Variants in ZNF652 observed in about 807,000 individuals in gnomAD.
ZNF652 encodes the protein zinc finger protein 652.
ZNF652 carries 16 observed loss-of-function variants against 45.2 expected under a neutral mutation model. The observed-to-expected ratio is 0.35, with a 90% CI of 0.24 to 0.54. The LOEUF (loss-of-function observed/expected upper bound fraction) is 0.54. Ranked by LOEUF, ZNF652 falls within the 20% of genes least tolerant of loss-of-function variation. The pLI is 0.91. For synonymous variants in ZNF652, 250 were observed against 260.6 expected (o/e 0.96, Z 0.39); for missense variants, 614 against 765.6 (o/e 0.80, Z 2.34).
At chr17:49,316,059 T>G (rs2069799812) in intron 2 of ZNF652, among the ~76,000 whole-genome samples, 1 of 152,214 alleles carries the variant, frequency 6.6e-6, no homozygotes, top group Admixed American at 6.5e-5. Context: ...CTTACGAATA[T>G]TCATTAATAT....
downstream of ZNF652, chr17:49,288,283 T>C (rs891720241): frequency 3.3e-5 from 5 of 152,172 alleles, no homozygotes; most frequent in Non-Finnish European, 7.3e-5. Context: ...CCTGTATCTA[T>C]GAAGAAACTG....
At position 49,295,961 on chromosome 17, in the gene ZNF652, A is replaced by C. The variant is rs1410508893; in HGVS notation, c.*2452T>G. The stretch of plus-strand genomic sequence containing the variant: ...TCAAAAAAAAAAAAAAAAAAAAAAA[A>C]AAAACAGAACAAAATATAACCAATT... On this transcript the variant is annotated 3_prime_UTR_variant, in exon 6 of 6. Transcript: ENST00000430262. 1 of 150,480 alleles carries C rather than the reference A, an allele frequency of 6.6e-6. No individual in the cohort carries two copies. Among genetic ancestry groups the C allele is most frequent in the Admixed American group, 6.6e-5 (1 of 15,090 alleles). 9.3% of individuals were successfully genotyped at this position (150,480 alleles called of 1,614,324 possible).
intron 1 of ZNF652, among the ~76,000 whole-genome samples, chr17:49,332,027 T>C (rs750145279): frequency 3.9e-5 from 6 of 152,020 alleles, no homozygotes; most frequent in Non-Finnish European, 5.9e-5. Flanking sequence ...CTCACACCTG[T>C]AATCCCAGCA....
chr17:49,337,839 T>C (rs1325252480), intron 1 of ZNF652, among the ~76,000 whole-genome samples: 4 of 152,206 alleles, frequency 2.6e-5, no homozygotes, highest in African/African-American at 9.6e-5. Context: ...CTTTGATTAT[T>C]ATCTACATGC....
intron 5 of ZNF652, among the ~76,000 whole-genome samples, chr17:49,306,529 C>A (rs1344964250): frequency 6.6e-6 from 1 of 152,120 alleles, no homozygotes; most frequent in East Asian, 1.9e-4. Context: ...TCAAGTGATC[C>A]TCTCACCTCA....
chr17:49,349,878 A>G (rs957486549), intron 1 of ZNF652, among the ~76,000 whole-genome samples: 1 of 152,200 alleles, frequency 6.6e-6, no homozygotes, highest in Non-Finnish European at 1.5e-5. Context: ...TAAAGATACT[A>G]ATGTCAAAGA....
chr17:49,349,471 T>A lies in ZNF652; in HGVS notation c.-259+12438A>T, dbSNP rs553433670. On this transcript the variant is annotated intron_variant, in intron 1 of 5. Transcript: ENST00000430262. Reference sequence around the variant, plus strand: ...ATGCCATGGTTTGCCATAGCAGGGATTCTTTGCATTGGTAAGTGTAGAGTG... The same window carrying A: ...ATGCCATGGTTTGCCATAGCAGGGAATCTTTGCATTGGTAAGTGTAGAGTG... Among the ~76,000 whole-genome samples the A allele has an allele frequency of 3.5e-3, 534 of 152,282 alleles. 5 individuals are homozygous for A. The highest frequency in any genetic ancestry group is 6.3e-3 in the Non-Finnish European group (430 of 68,026).
At chr17:49,343,218 G>A (rs1295530918) in intron 1 of ZNF652, among the ~76,000 whole-genome samples, 1 of 152,160 alleles carries the variant, frequency 6.6e-6, no homozygotes. Flanking sequence ...CCAAAATACT[G>A]TTCTCTATAA....
Position 49,316,908 on chromosome 17 carries a change from A to C in ZNF652, c.818T>G (p.Ile273Ser). Reference protein sequence around the residue: ...HMNVTHRRMQICDKCGKKFVL... With the variant: ...HMNVTHRRMQSCDKCGKKFVL... ...AAACTTCTTGCCACATTTATCACAA[A>C]TCTGCATGCGCCTATGAGTAACGTT... is the stretch of plus-strand genomic sequence containing the variant. Residue 273 changes from isoleucine to serine, a missense_variant, in exon 2 of 6, where the codon ATT becomes AGT. Coordinates refer to ENST00000430262, the MANE Select transcript of ZNF652 (RefSeq NM_001145365.3). The C allele has an allele frequency of 6.2e-7, 1 of 1,614,040 alleles. No individual in the cohort carries two copies. The highest frequency in any genetic ancestry group is 8.5e-7 in the Non-Finnish European group (1 of 1,179,996).
intron 1 of ZNF652, among the ~76,000 whole-genome samples, chr17:49,356,076 T>TA (rs1477948038): frequency 5.9e-5 from 9 of 151,972 alleles, no homozygotes; most frequent in Non-Finnish European, 1.2e-4. Flanking sequence ...GAGAATGTGC[T>TA]AAAAAAGGGT....
At chr17:49,357,811 G>A (rs1459448252) in intron 1 of ZNF652, among the ~76,000 whole-genome samples, 1 of 152,126 alleles carries the variant, frequency 6.6e-6, no homozygotes, top group Non-Finnish European at 1.5e-5. Context: ...GTAGAATTTG[G>A]AGCTAGATTT....
Position 49,337,859 on chromosome 17 carries a change from A to T in ZNF652, c.-258-19876T>A, listed in dbSNP as rs553109983. On this transcript the variant is annotated intron_variant, in intron 1 of 5. Coordinates refer to ENST00000430262, the MANE Select transcript of ZNF652 (RefSeq NM_001145365.3). ...ATTATTATCTACATGCAAAGTACCAAGAGGCTAATATAAAGAGAAAATATT... is the reference window on the plus strand; with the variant it reads ...ATTATTATCTACATGCAAAGTACCATGAGGCTAATATAAAGAGAAAATATT... Among the ~76,000 whole-genome samples, 6 of 152,330 alleles carry T rather than the reference A, an allele frequency of 3.9e-5. No individual in the cohort carries two copies. The South Asian group carries it at 1.2e-3, about 32-fold the overall frequency.
rs1261293886 is a variant in ZNF652 at position 49,300,833 on chromosome 17, TCA to T, written c.1310-1911_1310-1910del. ...TTACATCTATTAACCTTGGTGATCTTCACAGTGACTGTATGAGGCAGGTATAT... is the reference window on the plus strand; with the variant it reads ...TTACATCTATTAACCTTGGTGATCTTCAGTGACTGTATGAGGCAGGTATAT... On this transcript the variant is annotated intron_variant, in intron 5 of 5. Transcript: ENST00000430262. 2.6e-5 allele frequency among the ~76,000 whole-genome samples: 4 copies of T among 152,178 alleles called. No homozygotes were observed. In the East Asian group the frequency reaches 7.7e-4, roughly 29 times the overall value.
At chr17:49,299,508 G>A (rs2069523727) in intron 5 of ZNF652, among the ~76,000 whole-genome samples, 1 of 152,092 alleles carries the variant, frequency 6.6e-6, no homozygotes, top group African/African-American at 2.4e-5. Flanking sequence ...AGCCTCCTGA[G>A]CAGCTGAGAC....
intron 1 of ZNF652, among the ~76,000 whole-genome samples, chr17:49,339,023 A>G (rs2143873209): frequency 6.6e-6 from 1 of 152,184 alleles, no homozygotes; most frequent in East Asian, 1.9e-4. Context: ...ACCAGACTTC[A>G]TTAGCATAAT....
intron 1 of ZNF652, among the ~76,000 whole-genome samples, chr17:49,345,208 T>C (rs540314434): frequency 2.2e-4 from 33 of 150,638 alleles, no homozygotes; most frequent in South Asian, 6.3e-4. Flanking sequence ...TTTTTCTTTT[T>C]TTTTTTTTTT....
chr17:49,350,948 T>C (rs897353872), intron 1 of ZNF652, among the ~76,000 whole-genome samples: 12 of 138,050 alleles, frequency 8.7e-5, no homozygotes, highest in Admixed American at 1.6e-4. Context: ...CCAGTCTGGG[T>C]GACAGAGCAA....
intron 1 of ZNF652, among the ~76,000 whole-genome samples, chr17:49,358,209 G>T (rs910762574): frequency 1.3e-5 from 2 of 152,150 alleles, no homozygotes; most frequent in Non-Finnish European, 2.9e-5. Context: ...TGGAGCGGGG[G>T]TTTTAAATCG....
At position 49,317,603 on chromosome 17, in the gene ZNF652, G is replaced by A. The variant is rs751757876; in HGVS notation, c.123C>T (p.Asn41=). ...CTTTGGTGGACAGGTCAAGTTCTTG[G>A]TTGGCACCATGATAAAAGGAAGATG... ...QVPSSFYHGA[N]QELDLSTKVY... The change falls in exon 2 of 6, where the codon AAC becomes AAT. Residue 41 remains asparagine (N), a synonymous_variant. Coordinates refer to ENST00000430262, the MANE Select transcript of ZNF652 (RefSeq NM_001145365.3). 5.0e-6 allele frequency: 8 copies of A among 1,613,884 alleles called. No individual in the cohort carries two copies. Among genetic ancestry groups the A allele is most frequent in the African/African-American group, 1.3e-5 (1 of 74,864 alleles).
Sources: allele counts gnomAD v4.1 joint callset (sites outside exome capture counted in the v4.1 genomes callset), GRCh38; gene constraint gnomAD v4.1.1; transcripts MANE v1.5; gene names NCBI Gene and HGNC (gene_info 2026-07-23, HGNC 2026-07-21).